The following PNISR variants were observed in gnomAD, a reference collection of about 807,000 sequenced individuals.
PNISR encodes arginine/serine-rich protein PNISR.
PNISR carries 20 observed loss-of-function variants against 93.4 expected under a neutral mutation model. The observed-to-expected ratio is 0.21, with a 90% CI of 0.15 to 0.31. The LOEUF (loss-of-function observed/expected upper bound fraction) is 0.31. Ranked by LOEUF, PNISR falls within the 10% of genes least tolerant of loss-of-function variation. The pLI is 1.00. For missense variants in PNISR, 893 were observed against 985.4 expected, an observed-to-expected ratio of 0.91 and a Z score of 1.25; for synonymous variants, 305 against 306.5, an observed-to-expected ratio of 0.99 and a Z score of 0.05.
At chr6:99,420,231 T>C (rs1237494430) in intron 1 of PNISR, among the ~76,000 whole-genome samples, 1 of 152,190 alleles carries the variant, frequency 6.6e-6, no homozygotes, top group Non-Finnish European at 1.5e-5. Flanking sequence ...TCATTTTTCA[T>C]GCATTGGGCA....
intron 1 of PNISR, among the ~76,000 whole-genome samples, chr6:99,422,090 C>T (rs1392178179): frequency 6.6e-6 from 1 of 152,120 alleles, no homozygotes; most frequent in African/African-American, 2.4e-5. Context: ...TATCCTCAAA[C>T]TTCTGGCCTC....
chr6:99,402,213 C>T (rs1480741518), intron 11 of PNISR, among the ~76,000 whole-genome samples: 1 of 152,180 alleles, frequency 6.6e-6, no homozygotes. Flanking sequence ...AAGTAAAAAA[C>T]TTCTAGGTTC....
At chr6:99,419,081 T>G (rs1582844544) in intron 1 of PNISR, among the ~76,000 whole-genome samples, 1 of 124,122 alleles carries the variant, frequency 8.1e-6, no homozygotes, top group African/African-American at 3.1e-5. Flanking sequence ...ACCCGGGAGG[T>G]GGAAGTCGCA....
Position 99,400,993 on chromosome 6 carries a change from C to T in PNISR, c.1965G>A (p.Lys655=). 6.2e-7 allele frequency: 1 copy of T among 1,613,276 alleles called. No homozygotes were observed. The highest frequency in any genetic ancestry group is 1.3e-5 in the African/African-American group (1 of 74,986). ...CTTGTTCTTTAGCCTCACCTTTATG[C>T]TTATGACTGTTCCCACTAAGATTTC... ...QRGNLSGNSH[K]HKGEAKEQER... The change falls in exon 12 of 12, where the codon AAG becomes AAA. Residue 655 remains lysine, a synonymous_variant. Transcript: ENST00000369239.
rs144085205 is a variant in PNISR, at chr6:99,417,586, C to T, written c.-111-1158G>A. 6.6e-5 allele frequency among the ~76,000 whole-genome samples: 10 copies of T among 152,200 alleles called. No individual in the cohort carries two copies. In the East Asian group the frequency reaches 1.4e-3, roughly 21 times the overall value. ...AAACTAAGCATCAGAAGTTTCAATT[C>T]GTGGTGATTAATATCAATACTAGAG... On this transcript the variant is annotated intron_variant, in intron 1 of 11. Coordinates refer to ENST00000369239, the MANE Select transcript of PNISR (RefSeq NM_032870.4).
At chr6:99,421,177 C>A (rs1016061571) in intron 1 of PNISR, among the ~76,000 whole-genome samples, 1 of 152,132 alleles carries the variant, frequency 6.6e-6, no homozygotes, top group Non-Finnish European at 1.5e-5. Flanking sequence ...AACAGTATTT[C>A]CCTTCATGTG....
chr6:99,407,325 C>T (rs578081752), intron 7 of PNISR, among the ~76,000 whole-genome samples: 3 of 130,066 alleles, frequency 2.3e-5, no homozygotes, highest in East Asian at 4.8e-4. Flanking sequence ...GATCCCCCAA[C>T]TGCCTAAAAA....
At chr6:99,409,085 C>A in intron 6 of PNISR, 88 bp downstream of exon 6, 1 of 1,090,972 alleles carries the variant, frequency 9.2e-7, no homozygotes, top group Non-Finnish European at 1.4e-6. Context: ...CAGAGATACT[C>A]AAACAATTTT....
At chr6:99,413,451 A>G (rs1408025164) in intron 3 of PNISR, among the ~76,000 whole-genome samples, 2 of 151,770 alleles carry the variant, frequency 1.3e-5, no homozygotes, top group African/African-American at 4.8e-5. Flanking sequence ...TCCATGATCC[A>G]TCCATCCATC....
intron 1 of PNISR, chr6:99,424,906 A>G (rs1052234521): frequency 7.9e-6 from 2 of 252,694 alleles, no homozygotes; most frequent in African/African-American, 4.5e-5. Context: ...GGGGGTTCCC[A>G]CTGCGCACGC....
intron 3 of PNISR, 48 bp downstream of exon 3, chr6:99,414,524 T>C: frequency 1.1e-6 from 1 of 949,644 alleles, no homozygotes. Flanking sequence ...CTTCTACCCA[T>C]TTCCACATAT....
At chr6:99,405,973 CA>C (rs11309252) in intron 8 of PNISR, 57 bp downstream of exon 8, 633,795 of 1,289,004 alleles carry the variant, frequency 0.49, 159,140 homozygotes, top group Middle Eastern at 0.59. Flanking sequence ...ATATTGTCTC[CA>C]AAAAAAATTG....
chr6:99,408,182 T>C lies in PNISR; in HGVS notation c.763A>G (p.Arg255Gly). ...AATTGTGAACGTTGTTGTTCCATTC[T>C]TTCTTTCTCCAATTTCTTCTGCTTT... ...REKQKKLEKE[R>G]MEQQRSQLSK... Residue 255 changes from arginine to glycine, a missense_variant, in exon 7 of 12, where the codon AGA becomes GGA. Arg to Gly is a moderately radical substitution (Grantham distance 125). This residue lies in a region of PNISR where 866 missense variants were observed against 935.1 expected (regional missense o/e 0.93). Transcript: ENST00000369239. The C allele has an allele frequency of 3.7e-6, 6 of 1,613,738 alleles. No homozygotes were observed. Among genetic ancestry groups the C allele is most frequent in the Non-Finnish European group, 5.1e-6 (6 of 1,179,670 alleles).
At position 99,412,471 on chromosome 6, in the gene PNISR, T is replaced by A. The variant is rs140073329; in HGVS notation, c.277+80A>T. ...CATTAATTTCCAGAAGTCATACAAC[T>A]AAGCAAATTAAAAAATTTAATAATA... On this transcript the variant is annotated intron_variant, in intron 4 of 11. Coordinates refer to ENST00000369239, the MANE Select transcript of PNISR (RefSeq NM_032870.4). 2.2e-3 allele frequency: 2,191 copies of A among 981,964 alleles called. 37 individuals carry two copies. The African/African-American group carries it at 0.032, about 14-fold the overall frequency. 60.8% of individuals were successfully genotyped at this position (981,964 alleles called of 1,614,324 possible).
intron 8 of PNISR, among the ~76,000 whole-genome samples, chr6:99,405,539 T>C (rs759531113): frequency 7.9e-5 from 12 of 152,142 alleles, no homozygotes; most frequent in Non-Finnish European, 1.0e-4. Flanking sequence ...ATCTGTATAG[T>C]AGACACACTG....
intron 2 of PNISR, chr6:99,415,330 A>G (rs1777533079): frequency 6.6e-6 from 1 of 152,196 alleles, no homozygotes; most frequent in African/African-American, 2.4e-5. Context: ...TTTACTTCCA[A>G]TATAAAGCAA....
intron 3 of PNISR, 115 bp from the exon 4 acceptor site, chr6:99,412,854 GA>G: frequency 4.6e-6 from 3 of 650,402 alleles, no homozygotes; most frequent in Non-Finnish European, 7.1e-6. Context: ...TTCAGACAGA[GA>G]GGGTATGAGG....
chr6:99,412,508 G>A, intron 4 of PNISR, 43 bp downstream of exon 4: 1 of 1,364,178 alleles, frequency 7.3e-7, no homozygotes, highest in Non-Finnish European at 1.0e-6. Flanking sequence ...TCTTCATTCT[G>A]TTTTTTAAAA....
At position 99,404,714 on chromosome 6, in the gene PNISR, C is replaced by T. The variant is rs1384267337; in HGVS notation, c.1003-12G>A. On this transcript the variant is annotated splice_polypyrimidine_tract_variant and intron_variant, in intron 8 of 11. Transcript: ENST00000369239. ...TTTGTCAGCAACATCTAAAAAAGAG[C>T]ATTTTATACAGTATTTCTAATTATT... 3.1e-6 allele frequency: 4 copies of T among 1,281,692 alleles called. 1 individual carries two copies. Among genetic ancestry groups the T allele is most frequent in the South Asian group, 2.4e-5 (2 of 83,154 alleles). The allele number at this position is 1,281,692 out of a possible 1,614,324, so 79.4% of individuals were successfully genotyped here. A position where few individuals can be genotyped will look rare whatever the true frequency, so the allele number is the denominator to read the frequency against.
Sources: gnomAD v4.1 joint callset for allele counts (sites outside exome capture counted in the v4.1 genomes callset) on GRCh38, gnomAD v4.1.1 for gene constraint, gnomAD v4.1.1 regional missense constraint, MANE v1.5 for transcripts, NCBI Gene and HGNC (gene_info 2026-07-23, HGNC 2026-07-21) for gene names.